Variants in RAI1 observed in about 807,000 individuals in gnomAD.
The protein encoded by RAI1 is retinoic acid induced 1, also known as retinoic acid-induced protein 1.
Under a neutral mutation model 123.8 loss-of-function variants are expected in RAI1, and 9 were observed. The observed-to-expected ratio is 0.07, with a 90% CI of 0.04 to 0.13. The LOEUF is 0.13. Ranked by LOEUF, RAI1 falls within the 10% of genes least tolerant of loss-of-function variation. The pLI is 1.00. For synonymous variants in RAI1, 1,231 were observed against 1,127.3 expected (o/e 1.09, Z -1.84); for missense variants, 2,256 against 2,545.8 (o/e 0.89, Z 2.45).
chr17:17,689,601 G>T (rs1347209563), intron 1 of RAI1, among the ~76,000 whole-genome samples: 1 of 152,226 alleles, frequency 6.6e-6, no homozygotes, highest in Non-Finnish European at 1.5e-5. Flanking sequence ...TGAATGAGAT[G>T]CAGCTCTAAT....
chr17:17,807,616 G>T (rs920541527), intron 4 of RAI1, among the ~76,000 whole-genome samples: 13 of 152,364 alleles, frequency 8.5e-5, no homozygotes, highest in African/African-American at 3.1e-4. Flanking sequence ...GATCACTGAG[G>T]ACTGGCCTTG....
At chr17:17,701,618 C>A (rs552206815) in intron 1 of RAI1, among the ~76,000 whole-genome samples, 1 of 152,072 alleles carries the variant, frequency 6.6e-6, no homozygotes, top group South Asian at 2.1e-4. Context: ...CTTTGAAGAC[C>A]GCATCTTGCT....
chr17:17,746,071 T>C (rs894554441), intron 2 of RAI1, among the ~76,000 whole-genome samples: 1 of 151,726 alleles, frequency 6.6e-6, no homozygotes, highest in Non-Finnish European at 1.5e-5. Flanking sequence ...ATTGCCCCTT[T>C]CTTGGCCAGC....
chr17:17,705,583 AGGTGT>A (rs1413790457), intron 1 of RAI1, among the ~76,000 whole-genome samples: 2 of 146,372 alleles, frequency 1.4e-5, no homozygotes, highest in African/African-American at 4.9e-5. Flanking sequence ...AAAACGAGCC[AGGTGT>A]GGTAGCACAC....
chr17:17,704,080 G>T (rs925681806), intron 1 of RAI1, among the ~76,000 whole-genome samples: 1 of 152,174 alleles, frequency 6.6e-6, no homozygotes, highest in Non-Finnish European at 1.5e-5. Context: ...CAGGGCCTGG[G>T]GACTCTGCCA....
Position 17,797,526 on chromosome 17 carries a change from A to G in RAI1, c.4578A>G (p.Pro1526=). ...CCCAGACAAGGGCACAGAAACAGCC[A>G]GGCCACACCAACTACAGCAGCTATT... ...CQPQTRAQKQ[P]GHTNYSSYSK... The change falls in exon 3 of 6, where the codon CCA becomes CCG. Residue 1526 remains proline, a synonymous_variant. Transcript: ENST00000353383. 2 of 1,613,912 alleles carry G rather than the reference A, an allele frequency of 1.2e-6. No individual in the cohort carries two copies. Among genetic ancestry groups the G allele is most frequent in the Non-Finnish European group, 1.7e-6 (2 of 1,179,912 alleles).
At chr17:17,747,847 T>C (rs1351225305) in intron 2 of RAI1, among the ~76,000 whole-genome samples, 1 of 152,208 alleles carries the variant, frequency 6.6e-6, no homozygotes, top group East Asian at 1.9e-4. Flanking sequence ...GGAGGATCTT[T>C]GAGCCCAGGA....
chr17:17,714,512 CTT>C lies in RAI1; in HGVS notation c.-148-9515_-148-9514del, dbSNP rs1340980150. Among the ~76,000 whole-genome samples, 1 of 152,220 alleles carries C rather than the reference CTT, an allele frequency of 6.6e-6. No homozygotes were observed. Among genetic ancestry groups the C allele is most frequent in the Admixed American group, 6.5e-5 (1 of 15,294 alleles). On this transcript the variant is annotated intron_variant, in intron 1 of 5. Transcript: ENST00000353383. This position sits in a 1 kb window ranked among gnomAD's most constrained non-coding sequence, Gnocchi z 4.9. ...CATCAGTGCTAACATTTACGGAGGGCTTGTGGCGTGGCCAACTCTGAGTGACG... is the reference window on the plus strand; with the variant it reads ...CATCAGTGCTAACATTTACGGAGGGCGTGGCGTGGCCAACTCTGAGTGACG...
intron 2 of RAI1, 50 bp downstream of exon 2, chr17:17,724,209 C>T (rs1915992645): frequency 6.6e-6 from 1 of 151,134 alleles, no homozygotes; most frequent in South Asian, 2.1e-4. Flanking sequence ...CTGTGGGCGC[C>T]AGGGCTCCCC....
At position 17,810,217 on chromosome 17, in the gene RAI1, AGGGC is replaced by A. The variant is rs2032706572; in HGVS notation, c.*238_*241del. The A allele has an allele frequency of 9.9e-6, 6 of 606,688 alleles. No individual in the cohort carries two copies. In the Admixed American group the frequency reaches 2.0e-4, roughly 20 times the overall value. The allele number at this position is 606,688 out of a possible 1,614,324, so 37.6% of individuals were successfully genotyped here. ...GCCTGCTCCCGGAACCGGACGGCAC[AGGGC>A]GTTCTTGCCCACCCCAGGGGCCAGG... On this transcript the variant is annotated 3_prime_UTR_variant, in exon 6 of 6. Transcript: ENST00000353383. The surrounding 1 kb of genome is among the most constrained non-coding windows in gnomAD (Gnocchi z 4.6).
At chr17:17,770,398 G>A (rs926275457) in intron 2 of RAI1, among the ~76,000 whole-genome samples, 4 of 152,198 alleles carry the variant, frequency 2.6e-5, no homozygotes, top group Admixed American at 1.3e-4. Flanking sequence ...GCTCAGCCTG[G>A]GTAAGAGATG....
intron 1 of RAI1, among the ~76,000 whole-genome samples, chr17:17,711,489 T>C (rs1030669918): frequency 1.3e-5 from 2 of 152,116 alleles, no homozygotes; most frequent in African/African-American, 2.4e-5. Context: ...GCCTACGGCA[T>C]GCTGGACACT....
chr17:17,687,204 G>T (rs1914671117), intron 1 of RAI1, among the ~76,000 whole-genome samples: 1 of 152,186 alleles, frequency 6.6e-6, no homozygotes, highest in Non-Finnish European at 1.5e-5. Context: ...AAGGTGCCCA[G>T]AATGCTGTGC....
Position 17,794,771 on chromosome 17 carries a change from C to T in RAI1, c.1823C>T (p.Ala608Val). Residue 608 changes from alanine to valine, a missense_variant, in exon 3 of 6, where the codon GCC (alanine) becomes GTC (valine). Ala to Val is a moderately conservative substitution (Grantham distance 64). Around this residue, in one of 7 missense-constraint regions of RAI1, gnomAD observed 357 missense variants for 480.2 expected, o/e 0.74. Transcript: ENST00000353383. The stretch of plus-strand genomic sequence containing the variant: ...AGCGCCCTGGCACAGGAGGACCTGG[C>T]CTCCGAGATCCTGGGGCTGCAGGAA... ...LLSALAQEDL[A>V]SEILGLQEAI... The T allele has an allele frequency of 6.2e-7, 1 of 1,613,000 alleles. No individual in the cohort carries two copies. The highest frequency in any genetic ancestry group is 8.5e-7 in the Non-Finnish European group (1 of 1,179,990).
At chr17:17,776,235 G>T (rs1210137014) in intron 2 of RAI1, among the ~76,000 whole-genome samples, 1 of 152,266 alleles carries the variant, frequency 6.6e-6, no homozygotes, top group African/African-American at 2.4e-5. Context: ...GGCAGTGCCA[G>T]ATTTGAGCCT....
Position 17,794,536 on chromosome 17 carries a change from C to T in RAI1, c.1588C>T (p.Leu530Phe), listed in dbSNP as rs528890426. ...CGAGGACCCACTGGAGCGCAGCTTC[C>T]TCTACTGCAACCAGGCCCGTGGCAG... is the stretch of plus-strand genomic sequence containing the variant. ...GSEDPLERSF[L>F]YCNQARGSPA... Residue 530 changes from leucine (L) to phenylalanine (F), a missense_variant, in exon 3 of 6, where the codon CTC becomes TTC. Leu to Phe is a conservative substitution (Grantham distance 22). Transcript: ENST00000353383. 6 of 1,613,076 alleles carry T rather than the reference C, an allele frequency of 3.7e-6. No individual in the cohort carries two copies. In the South Asian group the frequency reaches 6.6e-5, roughly 18 times the overall value.
At chr17:17,744,000 G>A (rs570475340) in intron 2 of RAI1, among the ~76,000 whole-genome samples, 7 of 152,366 alleles carry the variant, frequency 4.6e-5, no homozygotes, top group Admixed American at 4.6e-4. Context: ...TCTGGTTTGG[G>A]CTGTGAGACA....
At chr17:17,791,707 A>G (rs1283972144) in intron 2 of RAI1, among the ~76,000 whole-genome samples, 1 of 152,140 alleles carries the variant, frequency 6.6e-6, no homozygotes, top group Non-Finnish European at 1.5e-5. Context: ...CAGCCCCTCC[A>G]TGCACTTCCT....
chr17:17,691,399 A>C (rs1914832947), intron 1 of RAI1, among the ~76,000 whole-genome samples: 1 of 152,264 alleles, frequency 6.6e-6, no homozygotes, highest in Non-Finnish European at 1.5e-5. Context: ...CGTTTGAAGC[A>C]TAGAGCGTGG....
Sources: allele counts gnomAD v4.1 joint callset (sites outside exome capture counted in the v4.1 genomes callset), GRCh38; gene constraint gnomAD v4.1.1; regional missense constraint gnomAD v4.1.1; non-coding constraint Gnocchi (gnomAD v3.1); transcripts MANE v1.5; gene names NCBI Gene and HGNC (gene_info 2026-07-23, HGNC 2026-07-21).